Variants in MACROD2 observed in about 807,000 individuals in gnomAD.
The protein encoded by MACROD2 is mono-ADP ribosylhydrolase 2.
MACROD2 carries 36 observed loss-of-function variants against 70.4 expected under a neutral mutation model. The observed-to-expected ratio is 0.51, with a 90% CI of 0.39 to 0.68. MACROD2 has a LOEUF of 0.68. Ranked by LOEUF, MACROD2 falls within the 30% of genes least tolerant of loss-of-function variation. The pLI, the probability that MACROD2 is intolerant of heterozygous loss-of-function variation, is 0.00. For missense variants in MACROD2, 496 were observed against 538.4 expected, an observed-to-expected ratio of 0.92 and a Z score of 0.78; for synonymous variants, 172 against 178.8, an observed-to-expected ratio of 0.96 and a Z score of 0.30.
intron 5 of MACROD2, among the ~76,000 whole-genome samples, chr20:14,744,653 T>G (rs2071776595): frequency 6.6e-6 from 1 of 152,204 alleles, no homozygotes; most frequent in East Asian, 1.9e-4. Flanking sequence ...TTACTTTGGC[T>G]GATAGAACAG....
At chr20:14,829,543 C>T (rs776203763) in intron 5 of MACROD2, among the ~76,000 whole-genome samples, 11 of 151,932 alleles carry the variant, frequency 7.2e-5, no homozygotes, top group Admixed American at 2.0e-4. Flanking sequence ...GTTCTAGCGG[C>T]AGTTGTCTAA....
At chr20:14,157,952 G>T (rs572572231) in intron 3 of MACROD2, among the ~76,000 whole-genome samples, 1 of 152,232 alleles carries the variant, frequency 6.6e-6, no homozygotes, top group South Asian at 2.1e-4. Flanking sequence ...TAGTGGGATT[G>T]CTGGATCATA....
In MACROD2 at chr20:14,301,964, T is replaced by C. The variant is rs75644717; in HGVS notation, c.272-191515T>C. On this transcript the variant is annotated intron_variant, in intron 3 of 17. Coordinates refer to ENST00000684519, the MANE Select transcript of MACROD2 (RefSeq NM_001351661.2). Reference sequence around the variant, plus strand: ...GGATTAAATCTTTTTCTTATAAAAATGTAGAAAACAAATTTTACCTTTATT... The same window carrying C: ...GGATTAAATCTTTTTCTTATAAAAACGTAGAAAACAAATTTTACCTTTATT... Among the ~76,000 whole-genome samples the C allele has an allele frequency of 9.1e-3, 1,385 of 152,314 alleles. 6 individuals carry two copies. Among genetic ancestry groups the C allele is most frequent in the Middle Eastern group, 0.02 (6 of 294 alleles).
At chr20:14,834,388 C>A (rs2073005596) in intron 5 of MACROD2, among the ~76,000 whole-genome samples, 1 of 151,758 alleles carries the variant, frequency 6.6e-6, no homozygotes. Context: ...CTAATTGGGC[C>A]TTGTCATGAA....
chr20:15,157,488 G>A (rs1470516779), intron 5 of MACROD2, among the ~76,000 whole-genome samples: 1 of 152,018 alleles, frequency 6.6e-6, no homozygotes, highest in Non-Finnish European at 1.5e-5. Context: ...AACCTGTTGT[G>A]TTTCTGCTGT....
intron 5 of MACROD2, among the ~76,000 whole-genome samples, chr20:14,832,693 A>G (rs1324280394): frequency 2.0e-5 from 3 of 152,168 alleles, no homozygotes; most frequent in Non-Finnish European, 4.4e-5. Flanking sequence ...TCAGTTAAAC[A>G]TTGTAAAAAA....
At chr20:14,168,216 CATAA>C (rs1355515533) in intron 3 of MACROD2, among the ~76,000 whole-genome samples, 1 of 152,082 alleles carries the variant, frequency 6.6e-6, no homozygotes, top group Non-Finnish European at 1.5e-5. Context: ...CCTACAAACA[CATAA>C]ATATTTTAGC....
At chr20:14,853,361 A>G (rs1360668588) in intron 5 of MACROD2, among the ~76,000 whole-genome samples, 1 of 152,064 alleles carries the variant, frequency 6.6e-6, no homozygotes, top group East Asian at 1.9e-4. Context: ...CGGAAGAGTT[A>G]GGTTGCATAG....
chr20:14,571,255 T>C (rs1337906029), intron 4 of MACROD2, among the ~76,000 whole-genome samples: 1 of 152,054 alleles, frequency 6.6e-6, no homozygotes, highest in Non-Finnish European at 1.5e-5. Context: ...CTGGTTATAT[T>C]TAAGTCCCTA....
intron 5 of MACROD2, among the ~76,000 whole-genome samples, chr20:14,981,857 G>A (rs1373915279): frequency 1.3e-5 from 2 of 150,584 alleles, no homozygotes; most frequent in African/African-American, 4.8e-5. Flanking sequence ...CAGTAGAGTA[G>A]GGTGTTGCTG....
intron 5 of MACROD2, among the ~76,000 whole-genome samples, chr20:14,821,825 A>C (rs915137532): frequency 2.6e-5 from 4 of 152,054 alleles, no homozygotes; most frequent in Non-Finnish European, 5.9e-5. Flanking sequence ...GGCACTTCCA[A>C]GCTGGCCCTG....
At chr20:15,836,435 T>A (rs769451863) in intron 8 of MACROD2, among the ~76,000 whole-genome samples, 57 of 152,266 alleles carry the variant, frequency 3.7e-4, no homozygotes, top group Non-Finnish European at 6.8e-4. Context: ...ATCTATGGGA[T>A]GTTTTTTCCT....
At chr20:16,011,498 G>A (rs146330762) in intron 15 of MACROD2, among the ~76,000 whole-genome samples, 274 of 152,322 alleles carry the variant, frequency 1.8e-3, no homozygotes, top group Non-Finnish European at 2.4e-3. Flanking sequence ...AGTCCTGCCA[G>A]GAGCAGATGC....
chr20:15,000,341 C>T (rs558452772), intron 5 of MACROD2, among the ~76,000 whole-genome samples: 2 of 150,250 alleles, frequency 1.3e-5, no homozygotes, highest in South Asian at 2.1e-4. Flanking sequence ...GAGGTAGAAA[C>T]GGCCGGGCGC....
chr20:14,000,560 G>A (rs974273426), intron 1 of MACROD2, among the ~76,000 whole-genome samples: 4 of 152,182 alleles, frequency 2.6e-5, no homozygotes, highest in African/African-American at 4.8e-5. Flanking sequence ...GAATTGCAGA[G>A]TATGAGAAAT....
At chr20:14,140,998 C>T (rs979970116) in intron 3 of MACROD2, among the ~76,000 whole-genome samples, 13 of 152,238 alleles carry the variant, frequency 8.5e-5, no homozygotes, top group African/African-American at 2.6e-4. Context: ...TCCTGCCTTC[C>T]GCTACCTTAA....
chr20:15,512,037 A>G (rs2047506966), intron 8 of MACROD2, among the ~76,000 whole-genome samples: 1 of 152,236 alleles, frequency 6.6e-6, no homozygotes, highest in Non-Finnish European at 1.5e-5. Flanking sequence ...TGTTCTCTTC[A>G]ATAAGGAAAA....
At chr20:14,853,350 G>A (rs775545705) in intron 5 of MACROD2, among the ~76,000 whole-genome samples, 2 of 152,022 alleles carry the variant, frequency 1.3e-5, no homozygotes, top group Non-Finnish European at 2.9e-5. Context: ...CAAAAGGGGT[G>A]CGGAAGAGTT....
intron 2 of MACROD2, among the ~76,000 whole-genome samples, chr20:14,081,356 T>C (rs2053992390): frequency 1.3e-5 from 2 of 152,232 alleles, no homozygotes; most frequent in East Asian, 1.9e-4. Context: ...TGAGGTCTCT[T>C]TCCCTTTATT....
Sources: gnomAD v4.1 joint callset for allele counts (sites outside exome capture counted in the v4.1 genomes callset) on GRCh38, gnomAD v4.1.1 for gene constraint, MANE v1.5 for transcripts, NCBI Gene and HGNC (gene_info 2026-07-23, HGNC 2026-07-21) for gene names.